The following SYCP1 variants were observed in gnomAD, a reference collection of about 807,000 sequenced individuals.
SYCP1 encodes cancer/testis antigen 8.
Under a neutral mutation model 153.1 loss-of-function variants are expected in SYCP1, and 64 were observed. The ratio of observed to expected loss-of-function variants is 0.42; its 90% CI spans 0.34 to 0.51. SYCP1 has a LOEUF of 0.51. SYCP1 is among the 20% of genes least tolerant of loss of function. The probability of loss-of-function intolerance (pLI) is 0.06; values close to 1 mark genes in which losing one functional copy is unlikely to be tolerated. For missense variants in SYCP1, 997 were observed against 1,049.0 expected (o/e 0.95, Z 0.68); for synonymous variants, 384 against 341.8 (o/e 1.12, Z -1.36).
At chr1:114,886,028 G>T in intron 13 of SYCP1, 97 bp from the exon 14 acceptor site, 2 of 730,044 alleles carry the variant, frequency 2.7e-6, no homozygotes, top group East Asian at 2.8e-5. Flanking sequence ...ATATGAGGGT[G>T]GGAAAGGGGC....
chr1:114,949,569 AG>A (rs1670958995), intron 27 of SYCP1, among the ~76,000 whole-genome samples: 2 of 152,196 alleles, frequency 1.3e-5, no homozygotes, highest in South Asian at 4.1e-4. Context: ...ACAGGAAGGT[AG>A]GGGAGAGAAT....
intron 27 of SYCP1, among the ~76,000 whole-genome samples, chr1:114,963,091 C>T (rs566652054): frequency 7.4e-4 from 113 of 152,306 alleles, no homozygotes; most frequent in African/African-American, 2.6e-3. Context: ...TTTTGCCTCA[C>T]AGCTCTTAAG....
intron 21 of SYCP1, 57 bp downstream of exon 21, chr1:114,923,587 C>T: frequency 6.9e-7 from 1 of 1,447,202 alleles, no homozygotes; most frequent in Non-Finnish European, 9.3e-7. Flanking sequence ...AAAAGCAACA[C>T]CATATGTCTA....
intron 27 of SYCP1, among the ~76,000 whole-genome samples, chr1:114,962,088 C>T (rs1351914556): frequency 1.3e-5 from 2 of 151,608 alleles, no homozygotes; most frequent in African/African-American, 2.4e-5. Context: ...AGTGATTCTC[C>T]TGCATCAGCC....
intron 27 of SYCP1, among the ~76,000 whole-genome samples, chr1:114,976,253 A>C (rs1216633281): frequency 6.6e-6 from 1 of 151,874 alleles, no homozygotes; most frequent in East Asian, 1.9e-4. Context: ...ACGTTTATTT[A>C]GATCCAAAAT....
At chr1:114,952,750 T>A (rs1671191696) in intron 27 of SYCP1, among the ~76,000 whole-genome samples, 1 of 152,170 alleles carries the variant, frequency 6.6e-6, no homozygotes, top group Non-Finnish European at 1.5e-5. Flanking sequence ...CAATTCAAGA[T>A]GAGATTTGTA....
intron 16 of SYCP1, among the ~76,000 whole-genome samples, chr1:114,899,855 C>A (rs1386503086): frequency 1.1e-4 from 16 of 152,340 alleles, no homozygotes; most frequent in Non-Finnish European, 5.9e-5. Flanking sequence ...TCCAGAGGCC[C>A]TTCTGAAGCA....
chr1:114,925,150 A>G (rs1219543080), intron 21 of SYCP1, among the ~76,000 whole-genome samples: 3 of 152,122 alleles, frequency 2.0e-5, no homozygotes, highest in Admixed American at 6.6e-5. Flanking sequence ...CTCCCTGAAA[A>G]GCTATTTTTC....
intron 26 of SYCP1, 88 bp from the exon 27 acceptor site, chr1:114,947,158 T>A: frequency 1.0e-6 from 1 of 964,728 alleles, no homozygotes; most frequent in East Asian, 2.5e-5. Flanking sequence ...TCTACAATAT[T>A]AAATTTACTC....
intron 2 of SYCP1, 30 bp from the exon 3 acceptor site, chr1:114,856,543 G>C (rs1663951724): frequency 6.6e-7 from 1 of 1,520,390 alleles, no homozygotes; most frequent in Non-Finnish European, 9.1e-7. Flanking sequence ...GTATGAAACA[G>C]AATATTTAAG....
In SYCP1 at chr1:114,954,547, TTTTA is replaced by T. The variant is rs4045000; in HGVS notation, c.2322+7259_2322+7262del. On this transcript the variant is annotated intron_variant, in intron 27 of 31. Coordinates refer to ENST00000369522, the MANE Select transcript of SYCP1 (RefSeq NM_003176.4). ...TTTTATCCTTTCCAGTCAGTATGCT[TTTTA>T]TTTATTTATTTATTTATTTATTTAT... 5.5e-3 allele frequency among the ~76,000 whole-genome samples: 809 copies of T among 148,390 alleles called. 4 individuals carry two copies. The highest frequency in any genetic ancestry group is 0.01 in the African/African-American group (417 of 40,234).
intron 29 of SYCP1, among the ~76,000 whole-genome samples, chr1:114,982,525 C>T (rs1187883574): frequency 6.6e-6 from 1 of 151,672 alleles, no homozygotes; most frequent in African/African-American, 2.4e-5. Flanking sequence ...TTCATTTCAG[C>T]TATTGTATTT....
chr1:114,920,273 T>C (rs1443128887), intron 20 of SYCP1, among the ~76,000 whole-genome samples: 1 of 152,122 alleles, frequency 6.6e-6, no homozygotes. Context: ...TAAATTTTCA[T>C]GTGTTTTTAC....
At chr1:114,921,510 C>A (rs1453848037) in intron 20 of SYCP1, among the ~76,000 whole-genome samples, 1 of 151,956 alleles carries the variant, frequency 6.6e-6, no homozygotes, top group African/African-American at 2.4e-5. Context: ...GAAACCCTGT[C>A]TCTACTAAAA....
intron 23 of SYCP1, among the ~76,000 whole-genome samples, chr1:114,933,971 A>C (rs930158567): frequency 6.6e-6 from 1 of 152,232 alleles, no homozygotes; most frequent in Non-Finnish European, 1.5e-5. Flanking sequence ...AATGGAACAA[A>C]GTTGGAAAAC....
intron 19 of SYCP1, 64 bp from the exon 20 acceptor site, chr1:114,913,911 T>A (rs1668343185): frequency 8.2e-7 from 1 of 1,222,518 alleles, no homozygotes; most frequent in South Asian, 1.5e-5. Context: ...AGGTCTTAAA[T>A]AGTAGTTTAA....
chr1:114,894,171 T>A (rs1666910914), intron 15 of SYCP1, among the ~76,000 whole-genome samples: 1 of 152,164 alleles, frequency 6.6e-6, no homozygotes, highest in Admixed American at 6.5e-5. Context: ...TATTTTTACC[T>A]GAAATAACAC....
In SYCP1 at chr1:114,856,647, C is replaced by A; in HGVS notation, c.183C>A (p.Asn61Lys). 6.2e-7 allele frequency: 1 copy of A among 1,610,794 alleles called. No individual in the cohort carries two copies. Among genetic ancestry groups the A allele is most frequent in the Non-Finnish European group, 8.5e-7 (1 of 1,178,516 alleles). Residue 61 changes from asparagine (N) to lysine (K), a missense_variant, in exon 3 of 32, where the codon AAC (asparagine) becomes AAA (lysine). Asn to Lys is a moderately conservative substitution (Grantham distance 94). This residue lies in a region of SYCP1 where 285 missense variants were observed against 366.1 expected (regional missense o/e 0.78). Coordinates refer to ENST00000369522, the MANE Select transcript of SYCP1 (RefSeq NM_003176.4). The stretch of plus-strand genomic sequence containing the variant: ...CTAATCTCTCCAAAAATGGGGAAAA[C>A]ATTGATTCAGGTAGGAGCATGGAAA... Reference protein sequence around the residue: ...AKTNLSKNGENIDSDPALQKV... With the variant: ...AKTNLSKNGEKIDSDPALQKV...
intron 29 of SYCP1, among the ~76,000 whole-genome samples, chr1:114,982,784 T>C (rs1388539132): frequency 2.0e-5 from 3 of 152,132 alleles, no homozygotes; most frequent in East Asian, 3.9e-4. Flanking sequence ...TTCTTCTTTC[T>C]TTGCATGTCT....
Sources: gnomAD v4.1 joint callset for allele counts (sites outside exome capture counted in the v4.1 genomes callset) on GRCh38, gnomAD v4.1.1 for gene constraint, gnomAD v4.1.1 regional missense constraint, MANE v1.5 for transcripts, NCBI Gene and HGNC (gene_info 2026-07-23, HGNC 2026-07-21) for gene names.